The following ZNF280D variants were observed in gnomAD, a reference collection of about 807,000 sequenced individuals.
ZNF280D encodes the protein zinc finger protein 280D.
In ZNF280D, 39 loss-of-function variants were observed where a neutral mutation model predicts 94.7. The ratio of observed to expected loss-of-function variants is 0.41; its 90% CI spans 0.32 to 0.54. ZNF280D has a LOEUF of 0.54. ZNF280D is among the 20% of genes least tolerant of loss of function. ZNF280D has a pLI of 0.22. For synonymous variants in ZNF280D, 398 were observed against 377.6 expected (o/e 1.05, Z -0.63); for missense variants, 1,090 against 1,149.3 (o/e 0.95, Z 0.75).
chr15:56,733,307 G>A (rs1398252581), intron 1 of ZNF280D, 151 bp downstream of exon 1: 2 of 286,374 alleles, frequency 7.0e-6, no homozygotes, highest in Non-Finnish European at 1.0e-5. Flanking sequence ...CCGCGCAGCC[G>A]GTCTCCTCCC....
At chr15:56,721,345 C>A (rs2058349252) in intron 1 of ZNF280D, among the ~76,000 whole-genome samples, 1 of 152,158 alleles carries the variant, frequency 6.6e-6, no homozygotes. Context: ...TAAAAGTCAC[C>A]AGCTTCATTA....
intron 1 of ZNF280D, among the ~76,000 whole-genome samples, chr15:56,716,022 G>A (rs1291873929): frequency 2.6e-5 from 4 of 152,138 alleles, no homozygotes; most frequent in Non-Finnish European, 4.4e-5. Context: ...GAGAGCATGT[G>A]TATAGGTTAT....
intron 7 of ZNF280D, among the ~76,000 whole-genome samples, chr15:56,691,402 C>T (rs1207582158): frequency 1.3e-5 from 2 of 152,052 alleles, no homozygotes; most frequent in Non-Finnish European, 1.5e-5. Flanking sequence ...ACCTGAAAAA[C>T]CAATGAATGC....
intron 4 of ZNF280D, among the ~76,000 whole-genome samples, chr15:56,703,172 T>G (rs2057188988): frequency 1.3e-5 from 2 of 152,214 alleles, no homozygotes; most frequent in South Asian, 4.1e-4. Flanking sequence ...AATTCTCTAA[T>G]TCAAAGCTAA....
intron 2 of ZNF280D, 49 bp downstream of exon 2, chr15:56,707,214 A>C (rs757144600): frequency 2.4e-5 from 39 of 1,599,770 alleles, no homozygotes; most frequent in Non-Finnish European, 3.3e-5. Flanking sequence ...TGAAACATGA[A>C]ACTTGGGATT....
At chr15:56,692,339 C>T (rs1456819144) in intron 7 of ZNF280D, among the ~76,000 whole-genome samples, 1 of 151,858 alleles carries the variant, frequency 6.6e-6, no homozygotes, top group Non-Finnish European at 1.5e-5. Context: ...ATTCTCCGCA[C>T]TGATTTGCTA....
chr15:56,716,602 A>T (rs1451364988), intron 1 of ZNF280D, among the ~76,000 whole-genome samples: 2 of 152,110 alleles, frequency 1.3e-5, no homozygotes, highest in Non-Finnish European at 2.9e-5. Context: ...CTGTGTTAAG[A>T]AATTCTGTCC....
intron 1 of ZNF280D, 134 bp from the exon 2 acceptor site, chr15:56,707,440 T>C (rs1741650394): frequency 4.6e-6 from 3 of 651,562 alleles, no homozygotes; most frequent in Non-Finnish European, 6.7e-6. Flanking sequence ...TTTTACATAA[T>C]TGGTTCATTC....
At chr15:56,673,075 A>C (rs1461993188) in intron 13 of ZNF280D, among the ~76,000 whole-genome samples, 1 of 152,090 alleles carries the variant, frequency 6.6e-6, no homozygotes, top group African/African-American at 2.4e-5. Flanking sequence ...GCAGGTAAAA[A>C]GTTCACCAGA....
At chr15:56,686,625 T>C (rs1450680151) in intron 9 of ZNF280D, among the ~76,000 whole-genome samples, 1 of 152,162 alleles carries the variant, frequency 6.6e-6, no homozygotes, top group African/African-American at 2.4e-5. Flanking sequence ...ATAAATATAA[T>C]TAATAAGCTA....
intron 6 of ZNF280D, among the ~76,000 whole-genome samples, chr15:56,694,903 T>C (rs1172637039): frequency 1.3e-5 from 2 of 152,176 alleles, no homozygotes; most frequent in Non-Finnish European, 2.9e-5. Flanking sequence ...GTAAGGGGTA[T>C]ATGGGAACTG....
intron 9 of ZNF280D, among the ~76,000 whole-genome samples, chr15:56,687,473 G>A (rs2056105142): frequency 6.6e-6 from 1 of 152,004 alleles, no homozygotes; most frequent in South Asian, 2.1e-4. Context: ...TGTACATCCA[G>A]AAAGAAACCC....
At chr15:56,648,271 C>T (rs759589086) in intron 19 of ZNF280D, among the ~76,000 whole-genome samples, 31 of 152,036 alleles carry the variant, frequency 2.0e-4, no homozygotes, top group Non-Finnish European at 1.2e-4. Flanking sequence ...CCATTCTTTG[C>T]TCAAATGTTA....
At chr15:56,636,053 A>G (rs1215743287) in intron 20 of ZNF280D, among the ~76,000 whole-genome samples, 1 of 152,222 alleles carries the variant, frequency 6.6e-6, no homozygotes, top group African/African-American at 2.4e-5. Context: ...TCAAGCCTGT[A>G]AAATTGATAA....
chr15:56,703,927 G>T (rs1202632112), intron 4 of ZNF280D, among the ~76,000 whole-genome samples, 194 bp downstream of exon 4: 1 of 151,966 alleles, frequency 6.6e-6, no homozygotes, highest in East Asian at 1.9e-4. Flanking sequence ...GACCTCCAGG[G>T]TCACCAGCTA....
rs1216700246 is a variant in ZNF280D, at chr15:56,733,459, G to A, written c.-87C>T. 1.8e-5 allele frequency: 19 copies of A among 1,074,972 alleles called. No individual in the cohort carries two copies. The highest frequency in any genetic ancestry group is 2.2e-5 in the Non-Finnish European group (19 of 882,164). The allele number at this position is 1,074,972 out of a possible 1,614,324, so 66.6% of individuals were successfully genotyped here. A position where few individuals can be genotyped will look rare whatever the true frequency, so the allele number is the denominator to read the frequency against. The stretch of plus-strand genomic sequence containing the variant: ...GGGCGGGGGCGGGGGGGCGCTTACC[G>A]TGAGCGGAGCGGATCGGCCTGACTG... On this transcript the variant is annotated splice_region_variant and 5_prime_UTR_variant, in exon 1 of 22. In the 5' UTR this introduces an upstream ATG that the reference lacks. Coordinates refer to ENST00000267807, the MANE Select transcript of ZNF280D (RefSeq NM_017661.4).
intron 19 of ZNF280D, chr15:56,653,040 G>A (rs1444812627): frequency 1.0e-6 from 1 of 967,300 alleles, no homozygotes; most frequent in African/African-American, 1.8e-5. Context: ...CAAAATGCAA[G>A]AATCGGTATT....
intron 13 of ZNF280D, among the ~76,000 whole-genome samples, chr15:56,669,969 TA>T (rs2054702361): frequency 3.8e-4 from 1 of 2,622 alleles, no homozygotes. Context: ...ATATTATATA[TA>T]TATAATATAT....
chr15:56,695,195 C>T (rs2056673680), intron 6 of ZNF280D, among the ~76,000 whole-genome samples: 1 of 152,026 alleles, frequency 6.6e-6, no homozygotes, highest in Non-Finnish European at 1.5e-5. Context: ...GTCTCAGCCT[C>T]CTGAGTAGCT....
Sources: gnomAD v4.1 joint callset for allele counts (sites outside exome capture counted in the v4.1 genomes callset) on GRCh38, gnomAD v4.1.1 for gene constraint, MANE v1.5 for transcripts, NCBI Gene and HGNC (gene_info 2026-07-23, HGNC 2026-07-21) for gene names.